ADCY10: variants seen among roughly 807,000 people sequenced by gnomAD.
ADCY10 encodes the protein adenylate cyclase type 10.
Under a neutral mutation model 183.3 loss-of-function variants are expected in ADCY10, and 156 were observed. That is an observed-to-expected ratio of 0.85 (90% confidence interval 0.75 to 0.97). The LOEUF (loss-of-function observed/expected upper bound fraction) is 0.97. Ranked by LOEUF, ADCY10 falls within the 50% of genes least tolerant of loss-of-function variation. ADCY10 has a pLI of 0.00. For synonymous variants in ADCY10, 645 were observed against 670.0 expected, an observed-to-expected ratio of 0.96 and a Z score of 0.58; for missense variants, 1,745 against 1,934.3, an observed-to-expected ratio of 0.90 and a Z score of 1.84.
At chr1:167,884,766 C>T (rs943867653) in intron 8 of ADCY10, among the ~76,000 whole-genome samples, 6 of 148,880 alleles carry the variant, frequency 4.0e-5, no homozygotes, top group East Asian at 3.9e-4. Flanking sequence ...GGCGCGATCT[C>T]GGCTCACTGC....
At chr1:167,831,281 C>T (rs1663712205) in intron 25 of ADCY10, among the ~76,000 whole-genome samples, 1 of 152,116 alleles carries the variant, frequency 6.6e-6, no homozygotes, top group Non-Finnish European at 1.5e-5. Context: ...CCTCCACCTC[C>T]CTGGTTCAAG....
rs370863469 is a variant in ADCY10 at position 167,900,240 on chromosome 1, C to T, written c.437-612G>A. Among the ~76,000 whole-genome samples, 130 of 152,236 alleles carry T rather than the reference C, an allele frequency of 8.5e-4. 1 individual carries two copies. In the South Asian group the frequency reaches 0.024, roughly 28 times the overall value. On this transcript the variant is annotated intron_variant, in intron 5 of 32. Coordinates refer to ENST00000367851, the MANE Select transcript of ADCY10 (RefSeq NM_018417.6). The stretch of plus-strand genomic sequence containing the variant: ...ACATTTCTTTCAAATGACTGTAATA[C>T]AATCAATGTTTATTTTTTATCTTCG...
chr1:167,822,900 C>A (rs1033395295), intron 29 of ADCY10, 108 bp downstream of exon 29: 16 of 947,002 alleles, frequency 1.7e-5, no homozygotes, highest in Non-Finnish European at 2.6e-5. Flanking sequence ...TGTAAGTCCA[C>A]CAGCCAGAAA....
At chr1:167,841,236 G>T (rs1399703148) in intron 21 of ADCY10, among the ~76,000 whole-genome samples, 1 of 151,962 alleles carries the variant, frequency 6.6e-6, no homozygotes. Context: ...CACTGTGCCT[G>T]GCAAGAATAA....
intron 12 of ADCY10, among the ~76,000 whole-genome samples, chr1:167,876,454 A>C (rs1667477676): frequency 6.6e-6 from 1 of 152,110 alleles, no homozygotes; most frequent in Non-Finnish European, 1.5e-5. Context: ...GTCAAAATGG[A>C]TTATGCCCTT....
chr1:167,867,822 C>T (rs779530506), intron 14 of ADCY10, among the ~76,000 whole-genome samples: 4 of 151,748 alleles, frequency 2.6e-5, no homozygotes, highest in Non-Finnish European at 5.9e-5. Context: ...ATATCTGCCA[C>T]GAATTAAGCT....
In ADCY10 at chr1:167,879,540, C is replaced by T. The variant is rs1317538157; in HGVS notation, c.1216+575G>A. ...CCCATGGCTAATCCTGCCCCATCCT[C>T]ACCCCCATACACTCCCCACCCTGTG... On this transcript the variant is annotated intron_variant, in intron 11 of 32. Coordinates refer to ENST00000367851, the MANE Select transcript of ADCY10 (RefSeq NM_018417.6). Among the ~76,000 whole-genome samples, 6 of 152,288 alleles carry T rather than the reference C, an allele frequency of 3.9e-5. No homozygotes were observed. In the South Asian group the frequency reaches 6.2e-4, roughly 16 times the overall value.
intron 1 of ADCY10, among the ~76,000 whole-genome samples, chr1:167,909,422 G>A (rs1571480026): frequency 6.6e-6 from 1 of 152,160 alleles, no homozygotes; most frequent in Non-Finnish European, 1.5e-5. Flanking sequence ...GGGTCATAGG[G>A]TATACACATG....
intron 30 of ADCY10, among the ~76,000 whole-genome samples, chr1:167,821,469 C>T (rs1364577415): frequency 6.6e-6 from 1 of 152,244 alleles, no homozygotes; most frequent in East Asian, 1.9e-4. Context: ...TCTTGAGAGC[C>T]AGTGAAGCCA....
chr1:167,810,721 A>C lies in ADCY10; in HGVS notation c.4671+4T>G, dbSNP rs758425533. 2 of 1,614,140 alleles carry C rather than the reference A, an allele frequency of 1.2e-6. No homozygotes were observed. The highest frequency in any genetic ancestry group is 1.7e-6 in the Non-Finnish European group (2 of 1,180,000). On this transcript the variant is annotated splice_donor_region_variant and intron_variant, in intron 32 of 32. Transcript: ENST00000367851. ...ACCCCGGTTTGCTAGCTGATGATACATACTTTGTTCATGTTCAGCCAGCAT... is the reference window on the plus strand; with the variant it reads ...ACCCCGGTTTGCTAGCTGATGATACCTACTTTGTTCATGTTCAGCCAGCAT...
intron 23 of ADCY10, among the ~76,000 whole-genome samples, chr1:167,834,863 T>A (rs1664078508): frequency 6.6e-6 from 1 of 152,164 alleles, no homozygotes; most frequent in African/African-American, 2.4e-5. Context: ...AAACGGGGTA[T>A]GCATAGGTTT....
intron 1 of ADCY10, among the ~76,000 whole-genome samples, chr1:167,912,821 T>C (rs1267300678): frequency 1.3e-5 from 2 of 152,250 alleles, no homozygotes; most frequent in African/African-American, 2.4e-5. Context: ...ATAGGTTGCC[T>C]CATTTAATCA....
At chr1:167,887,996 A>G (rs534820774) in intron 8 of ADCY10, among the ~76,000 whole-genome samples, 2 of 152,300 alleles carry the variant, frequency 1.3e-5, no homozygotes, top group Admixed American at 1.3e-4. Flanking sequence ...ATTCATCTGC[A>G]TATGGATATC....
chr1:167,878,566 G>C lies in ADCY10; in HGVS notation c.1286C>G (p.Ser429Cys), dbSNP rs978972623. 1.9e-6 allele frequency: 3 copies of C among 1,614,178 alleles called. No homozygotes were observed. In the African/African-American group the frequency reaches 4.0e-5, roughly 22 times the overall value. ...TAGGTTGCTCCCATTGTAGGTGACA[G>C]AGTCGCAGGTCACAATTCCTGGGTA... ...MYYPGIVTCD[S>C]VTYNGSNLPA... The change falls in exon 12 of 33, where the codon TCT becomes TGT. Residue 429 changes from serine to cysteine, a missense_variant. By Grantham distance (112) the Ser-to-Cys change is moderately radical (BLOSUM62 -1). Transcript: ENST00000367851.
intron 25 of ADCY10, 139 bp from the exon 26 acceptor site, chr1:167,829,562 G>T: frequency 1.1e-6 from 1 of 907,318 alleles, no homozygotes; most frequent in Non-Finnish European, 1.8e-6. Context: ...CTCCATGACT[G>T]ACAAACAAGC....
chr1:167,852,131 C>G (rs566302208), intron 18 of ADCY10, among the ~76,000 whole-genome samples: 1 of 152,174 alleles, frequency 6.6e-6, no homozygotes, highest in East Asian at 1.9e-4. Context: ...AGAGAAGACA[C>G]CTGATTGTGT....
intron 14 of ADCY10, among the ~76,000 whole-genome samples, chr1:167,867,484 T>C (rs1323301726): frequency 6.6e-6 from 1 of 152,232 alleles, no homozygotes; most frequent in East Asian, 1.9e-4. Context: ...TATTATTTCA[T>C]GGTTATTATA....
chr1:167,893,295 G>C (rs987022645), intron 8 of ADCY10, among the ~76,000 whole-genome samples: 4 of 152,124 alleles, frequency 2.6e-5, no homozygotes, highest in Admixed American at 2.6e-4. Context: ...GCTCCCATTT[G>C]CGCAATTATA....
intron 19 of ADCY10, 36 bp from the exon 20 acceptor site, chr1:167,846,299 AT>A (rs1349307641): frequency 1.2e-5 from 20 of 1,611,512 alleles, no homozygotes; most frequent in Non-Finnish European, 1.7e-5. Context: ...AAAACTAGTT[AT>A]TTATCTTTAT....
Sources: gnomAD v4.1 joint callset for allele counts (sites outside exome capture counted in the v4.1 genomes callset) on GRCh38, gnomAD v4.1.1 for gene constraint, MANE v1.5 for transcripts, NCBI Gene and HGNC (gene_info 2026-07-23, HGNC 2026-07-21) for gene names.